Variants in SECISBP2 observed in about 807,000 individuals in gnomAD.
SECISBP2 encodes the protein SECIS binding protein 2.
SECISBP2 carries 96 observed loss-of-function variants against 98.2 expected under a neutral mutation model. The observed-to-expected ratio is 0.98, with a 90% CI of 0.83 to 1.16. The LOEUF (loss-of-function observed/expected upper bound fraction) is 1.16. SECISBP2 is among the 50% of genes most tolerant of loss of function. SECISBP2 has a pLI of 0.00. For synonymous variants in SECISBP2, 407 were observed against 370.2 expected (o/e 1.10, Z -1.14); for missense variants, 1,046 against 1,022.9 (o/e 1.02, Z -0.31).
At position 89,349,786 on chromosome 9, in the gene SECISBP2, GA is replaced by G; in HGVS notation, c.1750del (p.Met584TrpfsTer4). 1 of 1,614,206 alleles carries G rather than the reference GA, an allele frequency of 6.2e-7. No individual in the cohort carries two copies. Among genetic ancestry groups the G allele is most frequent in the African/African-American group, 1.3e-5 (1 of 75,042 alleles). On this transcript the variant is annotated frameshift_variant, in exon 13 of 17. Coordinates refer to ENST00000375807, the MANE Select transcript of SECISBP2 (RefSeq NM_024077.5). LOFTEE classifies it high-confidence loss of function. ...EQAELSGPEG[M>X]DELISTPSVE... Reference sequence around the variant, plus strand: ...TTTTCCTCCATGAAGGGCCAGAGGGGATGGACGAACTGATCTCCACTCCTTC... The same window carrying G: ...TTTTCCTCCATGAAGGGCCAGAGGGGTGGACGAACTGATCTCCACTCCTTC...
chr9:89,326,175 C>G (rs1006156597), intron 4 of SECISBP2, 137 bp downstream of exon 4: 1 of 1,025,280 alleles, frequency 9.8e-7, no homozygotes, highest in African/African-American at 1.6e-5. Context: ...TCTGACACAG[C>G]TTAGGGCGTC....
chr9:89,328,720 C>T lies in SECISBP2; in HGVS notation c.635C>T (p.Ser212Phe), dbSNP rs769546283. The T allele has an allele frequency of 1.2e-6, 2 of 1,614,180 alleles. No homozygotes were observed. The highest frequency in any genetic ancestry group is 1.7e-6 in the Non-Finnish European group (2 of 1,180,026). The change falls in exon 5 of 17, where the codon TCC (serine) becomes TTC (phenylalanine). Residue 212 changes from serine to phenylalanine, a missense_variant. By Grantham distance (155) the Ser-to-Phe change is radical. Transcript: ENST00000375807. Reference sequence around the variant, plus strand: ...ATCATTGCAAAAAATGTATCTACCTCCAAACCTGAGTTTGAATTTACCACA... The same window carrying T: ...ATCATTGCAAAAAATGTATCTACCTTCAAACCTGAGTTTGAATTTACCACA... ...SRIIAKNVST[S>F]KPEFEFTTLD...
chr9:89,319,960 C>T (rs1487299728), intron 2 of SECISBP2, among the ~76,000 whole-genome samples, 163 bp downstream of exon 2: 2 of 152,138 alleles, frequency 1.3e-5, no homozygotes, highest in Admixed American at 6.5e-5. Flanking sequence ...TTAACTGTAT[C>T]CTGTGCCAAA....
At position 89,334,952 on chromosome 9, in the gene SECISBP2, C is replaced by T. The variant is rs377571909; in HGVS notation, c.1089+222C>T. Among the ~76,000 whole-genome samples, 20 of 152,266 alleles carry T rather than the reference C, an allele frequency of 1.3e-4. No homozygotes were observed. The East Asian group carries it at 2.9e-3, about 22-fold the overall frequency. ...AAGACGGGCCGGGTGCGGTGGCTTA[C>T]GCCTGTAATCCCAGCACTTTGGGAG... On this transcript the variant is annotated intron_variant, in intron 7 of 16. Coordinates refer to ENST00000375807, the MANE Select transcript of SECISBP2 (RefSeq NM_024077.5).
At position 89,359,104 on chromosome 9, in the gene SECISBP2, T is replaced by C; in HGVS notation, c.*280T>C. 2 of 439,116 alleles carry C rather than the reference T, an allele frequency of 4.6e-6. No individual in the cohort carries two copies. The highest frequency in any genetic ancestry group is 8.4e-6 in the Non-Finnish European group (2 of 238,574). The allele number at this position is 439,116 out of a possible 1,614,324, so 27.2% of individuals were successfully genotyped here. A position where few individuals can be genotyped will look rare whatever the true frequency, so the allele number is the denominator to read the frequency against. On this transcript the variant is annotated 3_prime_UTR_variant, in exon 17 of 17. Transcript: ENST00000375807. ...TACGGATCTGGAAAATACTGGAAAA[T>C]GTGATACTTAGAATACTTTGGCTGC...
intron 10 of SECISBP2, among the ~76,000 whole-genome samples, chr9:89,343,614 G>T (rs1829997011): frequency 6.6e-6 from 1 of 152,128 alleles, no homozygotes; most frequent in Admixed American, 6.5e-5. Context: ...CTGTTCCTGC[G>T]TTAGTTTGCT....
At chr9:89,355,629 T>G (rs535479593) in intron 14 of SECISBP2, 9 of 885,734 alleles carry the variant, frequency 1.0e-5, no homozygotes, top group African/African-American at 1.8e-5. Context: ...TTAGGTGTTT[T>G]ATATATTGGT....
chr9:89,359,002 G>A lies in SECISBP2; in HGVS notation c.*178G>A. 1 of 617,020 alleles carries A rather than the reference G, an allele frequency of 1.6e-6. No homozygotes were observed. Among genetic ancestry groups the A allele is most frequent in the Admixed American group, 2.6e-5 (1 of 37,810 alleles). The allele number at this position is 617,020 out of a possible 1,614,324, so 38.2% of individuals were successfully genotyped here. On this transcript the variant is annotated 3_prime_UTR_variant, in exon 17 of 17. Transcript: ENST00000375807. ...GCAGGCGTTCAGTGCTGCGGAGCCTGTTAAAGGTCACTCAGATGTGCAGGT... is the reference window on the plus strand; with the variant it reads ...GCAGGCGTTCAGTGCTGCGGAGCCTATTAAAGGTCACTCAGATGTGCAGGT...
At chr9:89,332,228 GCACA>G (rs140202280) in intron 5 of SECISBP2, among the ~76,000 whole-genome samples, 65 of 149,642 alleles carry the variant, frequency 4.3e-4, no homozygotes, top group Non-Finnish European at 7.3e-4. Context: ...CCCCTTGCCT[GCACA>G]CACACACACA....
chr9:89,350,394 G>C (rs767097508), intron 13 of SECISBP2, among the ~76,000 whole-genome samples: 2 of 152,212 alleles, frequency 1.3e-5, no homozygotes, highest in Middle Eastern at 3.2e-3. Context: ...GCAAACTATG[G>C]TTGGGCAGGG....
chr9:89,325,135 T>C (rs2131587372), intron 2 of SECISBP2: 1 of 406,872 alleles, frequency 2.5e-6, no homozygotes, highest in South Asian at 2.3e-5. Flanking sequence ...GGAGAGGCTT[T>C]CCCAAATACT....
chr9:89,338,661 C>T (rs1587931494), intron 8 of SECISBP2, 81 bp downstream of exon 8: 1 of 1,438,200 alleles, frequency 7.0e-7, no homozygotes, highest in Non-Finnish European at 9.5e-7. Flanking sequence ...ATATTGGTTT[C>T]CTAAGTGAAA....
chr9:89,342,330 C>T (rs966572133), intron 10 of SECISBP2, among the ~76,000 whole-genome samples: 11 of 152,080 alleles, frequency 7.2e-5, no homozygotes, highest in South Asian at 2.1e-4. Context: ...CGTACGCTGC[C>T]GGTGGGAATG....
chr9:89,322,612 A>G (rs1826001623), intron 2 of SECISBP2: 1 of 152,212 alleles, frequency 6.6e-6, no homozygotes, highest in South Asian at 2.1e-4. Flanking sequence ...CATTTTCACC[A>G]TCTGCCAATA....
rs997337942 is a variant in SECISBP2 at position 89,329,098 on chromosome 9, A to G, written c.801+212A>G. The G allele has an allele frequency of 1.2e-5, 7 of 576,544 alleles. No individual in the cohort carries two copies. In the African/African-American group the frequency reaches 1.3e-4, roughly 11 times the overall value. The allele number at this position is 576,544 out of a possible 1,614,324, so 35.7% of individuals were successfully genotyped here. ...TAACATCTAGTGCAGCTATTGTTTT[A>G]TTTGTGCGTTTTGTTTTGTTTTGTT... On this transcript the variant is annotated intron_variant, in intron 5 of 16. Transcript: ENST00000375807.
At chr9:89,354,422 A>G (rs150852094) in intron 14 of SECISBP2, among the ~76,000 whole-genome samples, 3 of 152,326 alleles carry the variant, frequency 2.0e-5, no homozygotes, top group Non-Finnish European at 4.4e-5. Context: ...GTGACATCAC[A>G]TAGGAGACTC....
intron 2 of SECISBP2, chr9:89,323,671 T>A (rs1826191564): frequency 6.6e-6 from 1 of 152,260 alleles, no homozygotes; most frequent in South Asian, 2.1e-4. Context: ...ACAGGTGTGT[T>A]ACTGTGGGTT....
In SECISBP2 at chr9:89,338,508, G is replaced by C. The variant is rs150290511; in HGVS notation, c.1140G>C (p.Lys380Asn). The change falls in exon 8 of 17, where the codon AAG (lysine) becomes AAC (asparagine). Residue 380 changes from lysine (K) to asparagine (N), a missense_variant. Transcript: ENST00000375807. ...TTGAACAAAATGAAGCCTCAAGAAA[G>C]AATAAGAAAAAGAAAGAAAAATCTA... Reference protein sequence around the residue: ...SDLEQNEASRKNKKKKEKSTS... With the variant: ...SDLEQNEASRNNKKKKEKSTS... 3 of 1,613,362 alleles carry C rather than the reference G, an allele frequency of 1.9e-6. No individual in the cohort carries two copies. The highest frequency in any genetic ancestry group is 2.5e-6 in the Non-Finnish European group (3 of 1,179,804).
chr9:89,333,620 T>C (rs1278467858), intron 6 of SECISBP2, among the ~76,000 whole-genome samples: 1 of 152,226 alleles, frequency 6.6e-6, no homozygotes, highest in East Asian at 1.9e-4. Flanking sequence ...AGGCAACTGA[T>C]GTGTTTGTAC....
Sources: allele counts gnomAD v4.1 joint callset (sites outside exome capture counted in the v4.1 genomes callset), GRCh38; gene constraint gnomAD v4.1.1; transcripts MANE v1.5; gene names NCBI Gene and HGNC (gene_info 2026-07-23, HGNC 2026-07-21).